Variants in SOX5 observed in about 807,000 individuals in gnomAD.
The protein encoded by SOX5 is SRY-box transcription factor 5.
SOX5 carries 9 observed loss-of-function variants against 92.0 expected under a neutral mutation model. That is an observed-to-expected ratio of 0.10 (90% CI 0.06 to 0.17). The LOEUF (loss-of-function observed/expected upper bound fraction) is 0.17. Among genes scored for constraint, SOX5 ranks in the 10% least tolerant of loss-of-function variants. The pLI is 1.00. For missense variants in SOX5, 642 were observed against 944.5 expected, an observed-to-expected ratio of 0.68 and a Z score of 4.20; for synonymous variants, 344 against 336.3, an observed-to-expected ratio of 1.02 and a Z score of -0.25.
chr12:24,196,249 G>A (rs4631979), intron 4 of SOX5, among the ~76,000 whole-genome samples: 1 of 152,114 alleles, frequency 6.6e-6, no homozygotes, highest in Admixed American at 6.5e-5. Context: ...TGTGAAGCAC[G>A]TGATTCTGAA....
At chr12:24,455,381 T>C (rs1014294685) in intron 1 of SOX5, among the ~76,000 whole-genome samples, 3 of 152,192 alleles carry the variant, frequency 2.0e-5, no homozygotes, top group Non-Finnish European at 2.9e-5. Flanking sequence ...TCATACTGTA[T>C]GTAAGCACTT....
chr12:23,534,590 A>C, intron 14 of SOX5, 68 bp from the exon 15 acceptor site: 1 of 1,262,494 alleles, frequency 7.9e-7, no homozygotes, highest in South Asian at 1.4e-5. Flanking sequence ...ACTTTACTAC[A>C]TAATTAATTT....
intron 2 of SOX5, among the ~76,000 whole-genome samples, chr12:23,881,203 T>C (rs985740498): frequency 6.6e-6 from 1 of 152,172 alleles, no homozygotes; most frequent in Non-Finnish European, 1.5e-5. Context: ...TCCTGGAGGC[T>C]GTAAACCGCC....
intron 1 of SOX5, among the ~76,000 whole-genome samples, chr12:24,491,873 G>T (rs534673643): frequency 6.6e-6 from 1 of 151,580 alleles, no homozygotes; most frequent in Non-Finnish European, 1.5e-5. Context: ...TTGTTTTTTT[G>T]GTTTTGTTTT....
intron 4 of SOX5, among the ~76,000 whole-genome samples, chr12:24,002,583 C>T (rs1951718859): frequency 7.6e-6 from 1 of 131,638 alleles, no homozygotes; most frequent in African/African-American, 3.2e-5. Context: ...TTTTCTTACA[C>T]ATTATAAAAT....
At chr12:24,433,837 G>T (rs1208112203) in intron 1 of SOX5, among the ~76,000 whole-genome samples, 7 of 152,188 alleles carry the variant, frequency 4.6e-5, no homozygotes, top group African/African-American at 7.2e-5. Context: ...AGTGCCATGG[G>T]TGCGGATGAG....
chr12:24,125,412 A>G (rs1178600398), intron 4 of SOX5, among the ~76,000 whole-genome samples: 1 of 152,140 alleles, frequency 6.6e-6, no homozygotes, highest in Non-Finnish European at 1.5e-5. Flanking sequence ...CAAAACAGTT[A>G]TTCTGTCATT....
chr12:24,362,944 A>G lies in SOX5; in HGVS notation c.-174+5619T>C, dbSNP rs16927534. On this transcript the variant is annotated intron_variant, in intron 2 of 4. Coordinates refer to the SOX5 transcript ENST00000446891. ...ATAAAGTGTCTTGATCCACCAGTAG[A>G]ATTAAGTGATTTGCAAGACCCAATT... Among the ~76,000 whole-genome samples the G allele has an allele frequency of 7.4e-3, 1,118 of 152,106 alleles. 6 individuals carry two copies. Among genetic ancestry groups the G allele is most frequent in the African/African-American group, 0.025 (1,057 of 41,498 alleles).
At chr12:24,443,266 T>C (rs767669705) in intron 1 of SOX5, among the ~76,000 whole-genome samples, 5 of 152,190 alleles carry the variant, frequency 3.3e-5, no homozygotes, top group Non-Finnish European at 7.3e-5. Flanking sequence ...TTATGGATTA[T>C]TTTTAAAACA....
At chr12:23,540,558 C>A (rs1055399019) in intron 13 of SOX5, among the ~76,000 whole-genome samples, 3 of 152,126 alleles carry the variant, frequency 2.0e-5, no homozygotes, top group East Asian at 1.9e-4. Flanking sequence ...GAAGAGTTTG[C>A]GCTGGGCAAC....
intron 4 of SOX5, among the ~76,000 whole-genome samples, chr12:23,970,752 T>A (rs1948128340): frequency 6.9e-6 from 1 of 145,110 alleles, no homozygotes; most frequent in South Asian, 2.2e-4. Context: ...TGAACATTGG[T>A]GTCCACTGGT....
At chr12:24,441,866 T>G (rs1940667946) in intron 1 of SOX5, among the ~76,000 whole-genome samples, 1 of 152,220 alleles carries the variant, frequency 6.6e-6, no homozygotes, top group Non-Finnish European at 1.5e-5. Context: ...TATAAAACTT[T>G]TTTTAATAAA....
intron 8 of SOX5, among the ~76,000 whole-genome samples, chr12:23,618,276 A>C (rs1293863506): frequency 2.6e-5 from 4 of 152,224 alleles, no homozygotes; most frequent in Non-Finnish European, 4.4e-5. Flanking sequence ...TTCTGTGGTT[A>C]CTAAATTTCA....
At chr12:24,335,035 GTTCT>G (rs1454111514) in intron 2 of SOX5, among the ~76,000 whole-genome samples, 1 of 151,524 alleles carries the variant, frequency 6.6e-6, no homozygotes, top group Non-Finnish European at 1.5e-5. Flanking sequence ...TATGAAAATA[GTTCT>G]TTCACCCTAA....
intron 2 of SOX5, among the ~76,000 whole-genome samples, chr12:24,330,385 G>A (rs1208952993): frequency 1.3e-5 from 2 of 152,202 alleles, no homozygotes; most frequent in Admixed American, 1.3e-4. Context: ...TTGTACAAAG[G>A]TGTGATCTGG....
chr12:24,263,540 ACAAAAAAAAAAAC>A, intron 3 of SOX5, among the ~76,000 whole-genome samples: 1 of 131,296 alleles, frequency 7.6e-6, no homozygotes, highest in South Asian at 2.3e-4. Context: ...AAAAAAAAAA[ACAAAAAAAAAAAC>A]AAAAACAAGA....
At chr12:23,921,293 T>C (rs1197908062) in intron 1 of SOX5, among the ~76,000 whole-genome samples, 1 of 151,996 alleles carries the variant, frequency 6.6e-6, no homozygotes, top group Non-Finnish European at 1.5e-5. Context: ...AAGCAGCTGT[T>C]CAGCACTAGC....
intron 1 of SOX5, among the ~76,000 whole-genome samples, chr12:23,940,383 T>C (rs1943393584): frequency 6.6e-6 from 1 of 151,234 alleles, no homozygotes; most frequent in South Asian, 2.1e-4. Flanking sequence ...ACAGGTAAAC[T>C]GAAGTGCTTC....
chr12:23,748,648 CA>C (rs146572165), intron 4 of SOX5, among the ~76,000 whole-genome samples: 1 of 151,836 alleles, frequency 6.6e-6, no homozygotes, highest in South Asian at 2.1e-4. Flanking sequence ...AAAAACTTAC[CA>C]AAAATTTAAT....
Sources: allele counts gnomAD v4.1 joint callset (sites outside exome capture counted in the v4.1 genomes callset), GRCh38; gene constraint gnomAD v4.1.1; transcripts MANE v1.5; gene names NCBI Gene and HGNC (gene_info 2026-07-23, HGNC 2026-07-21).